The following KCNH8 variants were observed in gnomAD, a reference collection of about 807,000 sequenced individuals.
The protein encoded by KCNH8 is voltage-gated delayed rectifier potassium channel KCNH8.
Under a neutral mutation model 103.6 loss-of-function variants are expected in KCNH8, and 70 were observed. The observed-to-expected ratio is 0.68, with a 90% CI of 0.56 to 0.82. The LOEUF (loss-of-function observed/expected upper bound fraction) is 0.82. Ranked by LOEUF, KCNH8 falls within the 40% of genes least tolerant of loss-of-function variation. The pLI, the probability that KCNH8 is intolerant of heterozygous loss-of-function variation, is 0.00. For synonymous variants in KCNH8, 498 were observed against 489.4 expected, an observed-to-expected ratio of 1.02 and a Z score of -0.23; for missense variants, 1,217 against 1,329.9, an observed-to-expected ratio of 0.92 and a Z score of 1.32.
At chr3:19,457,017 T>TTAG in intron 11 of KCNH8, 35 bp downstream of exon 11, 1 of 1,430,970 alleles carries the variant, frequency 7.0e-7, no homozygotes, top group Non-Finnish European at 9.8e-7. Flanking sequence ...TAAGACCTAA[T>TTAG]AACATTGGGC....
intron 1 of KCNH8, among the ~76,000 whole-genome samples, chr3:19,210,614 T>C (rs1289537390): frequency 6.6e-6 from 1 of 152,128 alleles, no homozygotes; most frequent in African/African-American, 2.4e-5. Context: ...TGAAATTCTG[T>C]TGTGGAGGGT....
intron 11 of KCNH8, among the ~76,000 whole-genome samples, chr3:19,464,773 T>C (rs2067702187): frequency 6.6e-6 from 1 of 152,110 alleles, no homozygotes; most frequent in Non-Finnish European, 1.5e-5. Context: ...ATTATCCAAA[T>C]GGCATATCCA....
intron 15 of KCNH8, among the ~76,000 whole-genome samples, chr3:19,531,247 T>C (rs571824033): frequency 6.6e-6 from 1 of 152,292 alleles, no homozygotes; most frequent in East Asian, 1.9e-4. Context: ...AGTGGCAGCC[T>C]TGTCTTCTGA....
chr3:19,240,620 A>C (rs550937798), intron 1 of KCNH8, among the ~76,000 whole-genome samples: 1 of 151,826 alleles, frequency 6.6e-6, no homozygotes, highest in Admixed American at 6.6e-5. Flanking sequence ...CTAAAAAAAA[A>C]AAAAAAACAA....
chr3:19,520,434 G>A (rs947850544), intron 15 of KCNH8, among the ~76,000 whole-genome samples: 14 of 151,778 alleles, frequency 9.2e-5, no homozygotes, highest in Admixed American at 9.2e-4. Flanking sequence ...TGACCCTTTG[G>A]ATAGTGCATA....
intron 1 of KCNH8, among the ~76,000 whole-genome samples, chr3:19,219,724 G>T (rs1278202160): frequency 6.6e-6 from 1 of 152,164 alleles, no homozygotes; most frequent in Non-Finnish European, 1.5e-5. Flanking sequence ...AGAGCTCAAA[G>T]CATTCTCTTC....
chr3:19,514,186 CAA>C (rs995746012), intron 13 of KCNH8, among the ~76,000 whole-genome samples: 2 of 151,938 alleles, frequency 1.3e-5, no homozygotes, highest in African/African-American at 4.8e-5. Context: ...AAGGTGGATT[CAA>C]AGTTTGTTTT....
chr3:19,216,869 C>G (rs140968404), intron 1 of KCNH8, among the ~76,000 whole-genome samples: 1 of 152,162 alleles, frequency 6.6e-6, no homozygotes, highest in Non-Finnish European at 1.5e-5. Flanking sequence ...AGATCCAGGA[C>G]GCCGATGCTT....
intron 1 of KCNH8, among the ~76,000 whole-genome samples, chr3:19,187,347 T>G (rs1575422855): frequency 6.6e-6 from 1 of 152,084 alleles, no homozygotes; most frequent in East Asian, 1.9e-4. Flanking sequence ...TGTACATACA[T>G]ATCTATCTAT....
chr3:19,324,857 CA>C, intron 3 of KCNH8, among the ~76,000 whole-genome samples: 1 of 151,974 alleles, frequency 6.6e-6, no homozygotes, highest in East Asian at 1.9e-4. Flanking sequence ...CATGTGGAAC[CA>C]AAAAAGGGCC....
intron 1 of KCNH8, among the ~76,000 whole-genome samples, chr3:19,244,589 A>G (rs1352542316): frequency 6.6e-6 from 1 of 152,152 alleles, no homozygotes; most frequent in Non-Finnish European, 1.5e-5. Context: ...CCAACCAACA[A>G]TGTATAAGCA....
At chr3:19,433,530 GT>G (rs2067153683) in intron 7 of KCNH8, among the ~76,000 whole-genome samples, 1 of 152,128 alleles carries the variant, frequency 6.6e-6, no homozygotes, top group African/African-American at 2.4e-5. Context: ...TCATATTTAA[GT>G]TTAAAAAACT....
rs181859448 is a variant in KCNH8 at position 19,473,971 on chromosome 3, G to T, written c.2040+16989G>T. On this transcript the variant is annotated intron_variant, in intron 11 of 15. Transcript: ENST00000328405. Reference sequence around the variant, plus strand: ...TTATGCTTTTTGTCCAGGATTTTAAGAATAATCCTGAAGGTTTTATCATGG... The same window carrying T: ...TTATGCTTTTTGTCCAGGATTTTAATAATAATCCTGAAGGTTTTATCATGG... Among the ~76,000 whole-genome samples the T allele has an allele frequency of 7.8e-4, 118 of 152,228 alleles. 1 individual carries two copies. The highest frequency in any genetic ancestry group is 6.8e-3 in the Middle Eastern group (2 of 292).
chr3:19,161,377 C>T (rs1360635305), intron 1 of KCNH8, among the ~76,000 whole-genome samples: 2 of 151,904 alleles, frequency 1.3e-5, no homozygotes, highest in Admixed American at 6.6e-5. Context: ...TTCCTTTTTT[C>T]GAGGGAAGCA....
chr3:19,396,174 A>C (rs1021091282), intron 7 of KCNH8, among the ~76,000 whole-genome samples: 1 of 152,010 alleles, frequency 6.6e-6, no homozygotes, highest in Non-Finnish European at 1.5e-5. Flanking sequence ...TCCTTCACTT[A>C]TCTTCTCTAT....
chr3:19,306,558 C>T (rs1180481999), intron 3 of KCNH8, among the ~76,000 whole-genome samples: 4 of 152,042 alleles, frequency 2.6e-5, no homozygotes, highest in African/African-American at 9.7e-5. Flanking sequence ...GACCTAAGGT[C>T]ATACAGCTAG....
intron 15 of KCNH8, among the ~76,000 whole-genome samples, chr3:19,524,765 TA>T (rs1361165677): frequency 6.6e-6 from 1 of 151,934 alleles, no homozygotes; most frequent in Admixed American, 6.6e-5. Context: ...AGGGCCCAAG[TA>T]AAAACCAATG....
At chr3:19,158,574 T>C (rs1225878408) in intron 1 of KCNH8, among the ~76,000 whole-genome samples, 4 of 151,908 alleles carry the variant, frequency 2.6e-5, no homozygotes, top group Non-Finnish European at 4.4e-5. Context: ...TAGGTATTTT[T>C]ATTGTTTACA....
chr3:19,423,178 C>T (rs1489831720), intron 7 of KCNH8, among the ~76,000 whole-genome samples: 2 of 152,008 alleles, frequency 1.3e-5, no homozygotes, highest in Non-Finnish European at 2.9e-5. Flanking sequence ...ACTGCATGAC[C>T]CTAAGATAAA....
Sources: allele counts gnomAD v4.1 joint callset (sites outside exome capture counted in the v4.1 genomes callset), GRCh38; gene constraint gnomAD v4.1.1; transcripts MANE v1.5; gene names NCBI Gene and HGNC (gene_info 2026-07-23, HGNC 2026-07-21).